IRAG1: variants seen among roughly 807,000 people sequenced by gnomAD.
The protein encoded by IRAG1 is IP3R-associated cGMP kinase substrate.
A neutral mutation model predicts 106.2 loss-of-function variants in IRAG1; 62 were observed. That is an observed-to-expected ratio of 0.58 (90% confidence interval 0.48 to 0.72). The LOEUF is 0.72. IRAG1 is among the 30% of genes least tolerant of loss of function. The pLI, the probability that IRAG1 is intolerant of heterozygous loss-of-function variation, is 0.00. For synonymous variants in IRAG1, 462 were observed against 443.9 expected, an observed-to-expected ratio of 1.04 and a Z score of -0.51; for missense variants, 1,064 against 1,140.7, an observed-to-expected ratio of 0.93 and a Z score of 0.97.
chr11:10,648,380 A>T (rs546382717), intron 2 of IRAG1, among the ~76,000 whole-genome samples: 3 of 152,324 alleles, frequency 2.0e-5, no homozygotes, highest in Admixed American at 2.0e-4. Context: ...ACAAAGATAT[A>T]TTCCTACAGA....
At position 10,594,921 on chromosome 11, in the gene IRAG1, C is replaced by CA. The variant is rs58291618; in HGVS notation, c.2018-727dup. Among the ~76,000 whole-genome samples, 9 of 151,298 alleles carry CA rather than the reference C, an allele frequency of 5.9e-5. No individual in the cohort carries two copies. In the East Asian group the frequency reaches 7.8e-4, roughly 13 times the overall value. On this transcript the variant is annotated intron_variant, in intron 15 of 20. Transcript: ENST00000423302. ...AAGCACATAGCCGTATGTGTTTTTT[C>CA]AAAAAAAAATTTTTTTTTCTTTTGA...
At chr11:10,597,348 G>A (rs1003028690) in intron 15 of IRAG1, among the ~76,000 whole-genome samples, 16 of 152,192 alleles carry the variant, frequency 1.1e-4, no homozygotes, top group African/African-American at 3.6e-4. Context: ...TTAAGTTAGA[G>A]ACGGTCTCAC....
chr11:10,593,523 C>A lies in IRAG1; in HGVS notation c.2144G>T (p.Ser715Ile). 6.2e-7 allele frequency: 1 copy of A among 1,613,792 alleles called. No individual in the cohort carries two copies. ...NALNLPGQTPSSSSIPSLPAL... is the reference protein window; with the variant it reads ...NALNLPGQTPISSSIPSLPAL... ...TGGTAAGGAGGGAATGGATGATGAG[C>A]TGGGAGTTTGGCCAGGCAGATTCAG... Residue 715 changes from serine to isoleucine, a missense_variant, in exon 17 of 21, where the codon AGC becomes ATC. Physicochemically the swap from Ser to Ile is moderately radical, Grantham distance 142. Coordinates refer to ENST00000423302, the MANE Select transcript of IRAG1 (RefSeq NM_130385.4).
intron 1 of IRAG1, among the ~76,000 whole-genome samples, chr11:10,685,820 G>T (rs1239279102): frequency 6.6e-6 from 1 of 152,026 alleles, no homozygotes; most frequent in Non-Finnish European, 1.5e-5. Context: ...TCAATTCCAG[G>T]TCACTAACCA....
chr11:10,612,042 G>A (rs915407660), intron 10 of IRAG1, among the ~76,000 whole-genome samples: 9 of 152,146 alleles, frequency 5.9e-5, no homozygotes, highest in African/African-American at 1.9e-4. Context: ...GAAGACTAAC[G>A]GTAAAGTAAA....
chr11:10,658,225 G>C (rs1859083784), intron 1 of IRAG1, among the ~76,000 whole-genome samples: 1 of 152,220 alleles, frequency 6.6e-6, no homozygotes, highest in South Asian at 2.1e-4. Context: ...TGGGAAGCCT[G>C]CCTTGGGAAA....
At chr11:10,590,733 A>C (rs1852549746) in intron 18 of IRAG1, among the ~76,000 whole-genome samples, 1 of 152,224 alleles carries the variant, frequency 6.6e-6, no homozygotes, top group Non-Finnish European at 1.5e-5. Flanking sequence ...ACTCTGGCTG[A>C]GGATGAAAAG....
intron 1 of IRAG1, among the ~76,000 whole-genome samples, chr11:10,680,408 A>G (rs879655380): frequency 2.4e-3 from 166 of 68,022 alleles, no homozygotes; most frequent in African/African-American, 5.7e-3. Flanking sequence ...AAGGAAGGAA[A>G]GAAAGGGAAA....
Position 10,576,254 on chromosome 11 carries a change from TG to T in IRAG1, c.*77del. The T allele has an allele frequency of 6.3e-7, 1 of 1,584,030 alleles. No homozygotes were observed. Among genetic ancestry groups the T allele is most frequent in the Non-Finnish European group, 8.6e-7 (1 of 1,162,218 alleles). On this transcript the variant is annotated 3_prime_UTR_variant, in exon 21 of 21. Transcript: ENST00000423302. Reference sequence around the variant, plus strand: ...GGATGGGCGGCAGTGTGTCCACACTTGGGCCTGACGTTATACTTGGGGAAAG... The same window carrying T: ...GGATGGGCGGCAGTGTGTCCACACTTGGCCTGACGTTATACTTGGGGAAAG...
At chr11:10,648,683 C>T (rs988315186) in intron 2 of IRAG1, among the ~76,000 whole-genome samples, 2 of 152,160 alleles carry the variant, frequency 1.3e-5, no homozygotes, top group African/African-American at 2.4e-5. Flanking sequence ...TGCAGAAAAC[C>T]CCACTCAGGA....
intron 19 of IRAG1, among the ~76,000 whole-genome samples, chr11:10,580,855 G>C (rs1251585526): frequency 6.6e-6 from 1 of 152,206 alleles, no homozygotes; most frequent in Non-Finnish European, 1.5e-5. Flanking sequence ...AGGGTCTCCT[G>C]ACTGGGTTCT....
intron 1 of IRAG1, among the ~76,000 whole-genome samples, chr11:10,673,366 G>C (rs1860400495): frequency 6.6e-6 from 1 of 152,044 alleles, no homozygotes; most frequent in Non-Finnish European, 1.5e-5. Flanking sequence ...GGATGAACTT[G>C]AAAATATTAT....
rs768313469 is a variant in IRAG1, at chr11:10,628,854, G to A, written c.575-26C>T. The A allele has an allele frequency of 3.8e-5, 59 of 1,561,172 alleles. No individual in the cohort carries two copies. The highest frequency in any genetic ancestry group is 4.8e-5 in the Non-Finnish European group (55 of 1,153,658). On this transcript the variant is annotated intron_variant, in intron 5 of 20. Coordinates refer to ENST00000423302, the MANE Select transcript of IRAG1 (RefSeq NM_130385.4). This position sits in a 1 kb window ranked among gnomAD's most constrained non-coding sequence, Gnocchi z 4.1. ...CTGTGAAGACAGACACAAATTGGCT[G>A]GCATTCATGAAGGTTTAGGACTTCA...
In IRAG1 at chr11:10,609,725, T is replaced by C. The variant is rs1189564939; in HGVS notation, c.1571+3A>G. ...CCTTCTGTAACCCACATCCTGATTT[T>C]ACCTTCCAGGGAGACTCCTGTGGAC... is the stretch of plus-strand genomic sequence containing the variant. On this transcript the variant is annotated splice_donor_region_variant and intron_variant, in intron 11 of 20. Coordinates refer to ENST00000423302, the MANE Select transcript of IRAG1 (RefSeq NM_130385.4). 3 of 1,613,682 alleles carry C rather than the reference T, an allele frequency of 1.9e-6. No homozygotes were observed. Among genetic ancestry groups the C allele is most frequent in the Non-Finnish European group, 2.5e-6 (3 of 1,179,714 alleles).
At chr11:10,640,463 C>T (rs950902344) in intron 2 of IRAG1, among the ~76,000 whole-genome samples, 1 of 152,254 alleles carries the variant, frequency 6.6e-6, no homozygotes, top group African/African-American at 2.4e-5. Context: ...TTCTTTCCCT[C>T]ATCAGCTGAC....
At position 10,626,312 on chromosome 11, in the gene IRAG1, C is replaced by A; in HGVS notation, c.1022G>T (p.Gly341Val). The change falls in exon 9 of 21, where the codon GGC becomes GTC. Residue 341 changes from glycine (G) to valine (V), a missense_variant. Coordinates refer to ENST00000423302, the MANE Select transcript of IRAG1 (RefSeq NM_130385.4). Reference protein sequence around the residue: ...GKQLLKTGWEGSPLPRSPTQD... With the variant: ...GKQLLKTGWEVSPLPRSPTQD... ...GGTTGGACTTCTCGGCAGAGGGCTG[C>A]CCTCCCAGCCCGTTTTCAAGAGCTG... 6.2e-7 allele frequency: 1 copy of A among 1,613,092 alleles called. No individual in the cohort carries two copies. Among genetic ancestry groups the A allele is most frequent in the South Asian group, 1.1e-5 (1 of 90,864 alleles).
intron 18 of IRAG1, among the ~76,000 whole-genome samples, chr11:10,586,466 G>A (rs940925133): frequency 6.7e-6 from 1 of 149,244 alleles, no homozygotes; most frequent in Non-Finnish European, 1.5e-5. Context: ...CACTCAGGCT[G>A]GAGTGCAGTG....
At chr11:10,637,621 G>A (rs1004564991) in intron 2 of IRAG1, among the ~76,000 whole-genome samples, 3 of 152,136 alleles carry the variant, frequency 2.0e-5, no homozygotes, top group East Asian at 3.9e-4. Flanking sequence ...AAGTACCCTT[G>A]AGTCATGATT....
At position 10,581,865 on chromosome 11, in the gene IRAG1, AC is replaced by A; in HGVS notation, c.2360+1del. 3.7e-6 allele frequency: 6 copies of A among 1,613,406 alleles called. No individual in the cohort carries two copies. The highest frequency in any genetic ancestry group is 5.1e-6 in the Non-Finnish European group (6 of 1,179,596). ...CCTTGGGGTGGCTGAGGTCTGACTC[AC>A]CCCTTGCTGTAGGCTTCTTCCTCCA... On this transcript the variant is annotated splice_donor_variant, in intron 19 of 20. Transcript: ENST00000423302. LOFTEE classifies it high-confidence loss of function.
Sources: gnomAD v4.1 joint callset for allele counts (sites outside exome capture counted in the v4.1 genomes callset) on GRCh38, gnomAD v4.1.1 for gene constraint, Gnocchi (gnomAD v3.1) non-coding constraint, MANE v1.5 for transcripts, NCBI Gene and HGNC (gene_info 2026-07-23, HGNC 2026-07-21) for gene names.